FAM186B: variants seen among roughly 807,000 people sequenced by gnomAD.
The protein encoded by FAM186B is protein FAM186B.
In FAM186B, 68 loss-of-function variants were observed where a neutral mutation model predicts 83.4. The ratio of observed to expected loss-of-function variants is 0.81; its 90% CI spans 0.67 to 1.00. The LOEUF is 1.00. Among genes scored for constraint, FAM186B ranks in the 50% least tolerant of loss-of-function variants. The pLI is 0.00. For synonymous variants in FAM186B, 389 were observed against 422.0 expected (o/e 0.92, Z 0.96); for missense variants, 983 against 1,099.2 (o/e 0.89, Z 1.49).
chr12:49,619,672 T>A, the FAM186B span: 1 of 329,526 alleles, frequency 3.0e-6, no homozygotes, highest in Non-Finnish European at 5.5e-6. Context: ...CATCTCTTTT[T>A]TTTTTTTTTT....
intron 5 of FAM186B, chr12:49,595,587 C>A: frequency 4.6e-6 from 2 of 436,400 alleles, no homozygotes; most frequent in South Asian, 3.6e-5. Context: ...TCTTATAAGC[C>A]CAGGGCCTAG....
chr12:49,590,461 G>T (rs1193447710), intron 5 of FAM186B, among the ~76,000 whole-genome samples: 1 of 152,126 alleles, frequency 6.6e-6, no homozygotes, highest in Non-Finnish European at 1.5e-5. Context: ...CTCTGAATGG[G>T]ATATAATGGA....
chr12:49,602,338 C>G (rs1300164226), intron 3 of FAM186B, among the ~76,000 whole-genome samples: 1 of 152,208 alleles, frequency 6.6e-6, no homozygotes, highest in Middle Eastern at 3.2e-3. Context: ...CTTTTCCCTG[C>G]CTTCTCCCTC....
At chr12:49,622,029 A>C in the FAM186B span, among the ~76,000 whole-genome samples, 1 of 152,274 alleles carries the variant, frequency 6.6e-6, no homozygotes, top group South Asian at 2.1e-4. Context: ...TAAAGAAAAG[A>C]AAAGCATTTA....
At chr12:49,587,426 G>A, downstream of FAM186B, 1 of 782,694 alleles carries the variant, frequency 1.3e-6, no homozygotes, top group Non-Finnish European at 2.0e-6. Context: ...TTGGCATGGG[G>A]ACCCCGCTTA....
upstream of FAM186B, among the ~76,000 whole-genome samples, chr12:49,609,059 G>A (rs557249807): frequency 6.6e-6 from 1 of 152,242 alleles, no homozygotes; most frequent in African/African-American, 2.4e-5. Flanking sequence ...GTGCATAGAG[G>A]TTTCTACAGC....
intron 5 of FAM186B, among the ~76,000 whole-genome samples, chr12:49,597,103 T>A (rs1052761227): frequency 1.3e-5 from 2 of 152,248 alleles, no homozygotes; most frequent in African/African-American, 2.4e-5. Flanking sequence ...ATTTGCAGCC[T>A]AGCAGCAATA....
At chr12:49,590,070 CTT>C (rs1011882173) in intron 5 of FAM186B, among the ~76,000 whole-genome samples, 1 of 144,076 alleles carries the variant, frequency 6.9e-6, no homozygotes. Flanking sequence ...TCTCTTTGGC[CTT>C]TTTTTTTTAA....
chr12:49,615,005 G>A, the FAM186B span, among the ~76,000 whole-genome samples: 2 of 152,106 alleles, frequency 1.3e-5, no homozygotes, highest in African/African-American at 2.4e-5. Flanking sequence ...GCGGGTACCT[G>A]TAGTCCCAGC....
the FAM186B span, among the ~76,000 whole-genome samples, chr12:49,615,122 C>A: frequency 6.6e-6 from 1 of 151,390 alleles, no homozygotes; most frequent in African/African-American, 2.4e-5. Context: ...GAGCGAGACT[C>A]CGTCTCAAAA....
chr12:49,589,937 C>A (rs1330235925), intron 5 of FAM186B, among the ~76,000 whole-genome samples: 2 of 138,924 alleles, frequency 1.4e-5, no homozygotes, highest in African/African-American at 5.6e-5. Flanking sequence ...GCCGAGATCG[C>A]ACCACTGCAC....
At chr12:49,602,866 G>A (rs1592555765) in intron 3 of FAM186B, among the ~76,000 whole-genome samples, 2 of 152,144 alleles carry the variant, frequency 1.3e-5, no homozygotes, top group Admixed American at 6.5e-5. Flanking sequence ...AGGATGGCCC[G>A]CAGGTTCTAG....
downstream of FAM186B, among the ~76,000 whole-genome samples, chr12:49,587,185 G>A (rs1454599028): frequency 1.3e-5 from 2 of 152,076 alleles, no homozygotes; most frequent in African/African-American, 4.8e-5. Flanking sequence ...CTTGAAGATA[G>A]TAAGGAAAGG....
upstream of FAM186B, among the ~76,000 whole-genome samples, chr12:49,609,894 G>T (rs983950548): frequency 2.0e-5 from 3 of 152,094 alleles, no homozygotes; most frequent in Admixed American, 2.0e-4. Context: ...GCATTCCATG[G>T]ATCAGCCCAT....
chr12:49,605,583 GGTACCCTCTGCCCA>G lies in FAM186B; in HGVS notation c.-120_-107del. ...GTTAAGGGCACCAGGGTGTCTCCTG[GGTACCCTCTGCCCA>G]GGCACAGCTCCTCTGGTAACTGCCA... On this transcript the variant is annotated 5_prime_UTR_variant, in exon 1 of 7. Coordinates refer to ENST00000257894, the MANE Select transcript of FAM186B (RefSeq NM_032130.3). The G allele has an allele frequency of 8.0e-7, 1 of 1,248,950 alleles. No individual in the cohort carries two copies. The highest frequency in any genetic ancestry group is 1.1e-6 in the Non-Finnish European group (1 of 904,748). 77.4% of individuals were successfully genotyped at this position (1,248,950 alleles called of 1,614,324 possible).
the FAM186B span, among the ~76,000 whole-genome samples, chr12:49,611,317 G>A: frequency 2.0e-5 from 3 of 152,116 alleles, no homozygotes; most frequent in Admixed American, 1.3e-4. Flanking sequence ...AGGTTGCAGT[G>A]AGCTGTGATC....
upstream of FAM186B, among the ~76,000 whole-genome samples, chr12:49,610,222 C>A (rs1414376013): frequency 1.3e-5 from 2 of 151,072 alleles, no homozygotes; most frequent in Non-Finnish European, 2.9e-5. Flanking sequence ...ATTAGAATTG[C>A]CAGCATCTCC....
chr12:49,598,796 G>T lies in FAM186B; in HGVS notation c.2323C>A (p.His775Asn). The T allele has an allele frequency of 6.2e-7, 1 of 1,612,392 alleles. No individual in the cohort carries two copies. Reference protein sequence around the residue: ...TDKQKGLEEKHRECLSSMVTM... With the variant: ...TDKQKGLEEKNRECLSSMVTM... Reference sequence around the variant, plus strand: ...ACCATGCTGCTCAGGCACTCTCGGTGCTTCTCCTCCAGCCCCTTCTGCTTG... The same window carrying T: ...ACCATGCTGCTCAGGCACTCTCGGTTCTTCTCCTCCAGCCCCTTCTGCTTG... Residue 775 changes from histidine to asparagine, a missense_variant, in exon 5 of 7, where the codon CAC becomes AAC. By Grantham distance (68) the His-to-Asn change is moderately conservative. Coordinates refer to ENST00000257894, the MANE Select transcript of FAM186B (RefSeq NM_032130.3).
chr12:49,600,585 G>A lies in FAM186B; in HGVS notation c.1055C>T (p.Thr352Ile), dbSNP rs774925972. The A allele has an allele frequency of 1.2e-6, 2 of 1,612,506 alleles. No individual in the cohort carries two copies. Among genetic ancestry groups the A allele is most frequent in the Non-Finnish European group, 1.7e-6 (2 of 1,179,360 alleles). ...SERETLPRKE[T>I]VMEESQQEPM... The stretch of plus-strand genomic sequence containing the variant: ...TTCCTGTTGGCTTTCCTCCATGACT[G>A]TTTCTTTCCTTGGGAGGGTCTCTCT... Residue 352 changes from threonine (T) to isoleucine (I), a missense_variant, in exon 4 of 7, where the codon ACA becomes ATA. Thr to Ile is a moderately conservative substitution (Grantham distance 89). Transcript: ENST00000257894. This position sits in a 1 kb window ranked among gnomAD's most constrained non-coding sequence, Gnocchi z 4.3.
Sources: gnomAD v4.1 joint callset for allele counts (sites outside exome capture counted in the v4.1 genomes callset) on GRCh38, gnomAD v4.1.1 for gene constraint, Gnocchi (gnomAD v3.1) non-coding constraint, MANE v1.5 for transcripts, NCBI Gene and HGNC (gene_info 2026-07-23, HGNC 2026-07-21) for gene names.